Variants in TRERF1 observed in about 807,000 individuals in gnomAD.
TRERF1 encodes transcriptional-regulating factor 1.
Under a neutral mutation model 122.9 loss-of-function variants are expected in TRERF1, and 27 were observed. The observed-to-expected ratio is 0.22, with a 90% CI of 0.16 to 0.30. The LOEUF (loss-of-function observed/expected upper bound fraction) is 0.30, where lower values mean the gene tolerates loss of function less well. Among genes scored for constraint, TRERF1 ranks in the 10% least tolerant of loss-of-function variants. The probability of loss-of-function intolerance (pLI) is 1.00; values close to 1 mark genes in which losing one functional copy is unlikely to be tolerated. For missense variants in TRERF1, 1,248 were observed against 1,560.3 expected (o/e 0.80, Z 3.37); for synonymous variants, 636 against 641.7 (o/e 0.99, Z 0.13).
intron 11 of TRERF1, 33 bp from the exon 12 acceptor site, chr6:42,256,864 A>T (rs1776841727): frequency 6.2e-7 from 1 of 1,613,388 alleles, no homozygotes; most frequent in Non-Finnish European, 8.5e-7. Flanking sequence ...AATGCATCAG[A>T]GAGAGCTGAG....
At position 42,264,929 on chromosome 6, in the gene TRERF1, C is replaced by A. The variant is rs991996808; in HGVS notation, c.1485-75G>T. On this transcript the variant is annotated intron_variant, in intron 6 of 17. Coordinates refer to ENST00000372922, the Ensembl canonical transcript of TRERF1. ...GAAACAGTGACTTGCCACAAGACCT[C>A]ATACCCACCACAAACCCATTTCATT... is the stretch of plus-strand genomic sequence containing the variant. The A allele has an allele frequency of 5.9e-6, 9 of 1,513,194 alleles. No homozygotes were observed. In the African/African-American group the frequency reaches 1.1e-4, roughly 18 times the overall value. 93.7% of individuals were successfully genotyped at this position (1,513,194 alleles called of 1,614,324 possible).
exon 16 of TRERF1, chr6:42,236,264 G>C: frequency 6.2e-7 from 1 of 1,613,030 alleles, no homozygotes; most frequent in Non-Finnish European, 8.5e-7. Context: ...AGGGCCTGCA[G>C]GGGCGGCCCC....
At chr6:42,417,755 G>T (rs1012720479) in intron 2 of TRERF1, among the ~76,000 whole-genome samples, 1 of 152,198 alleles carries the variant, frequency 6.6e-6, no homozygotes, top group East Asian at 1.9e-4. Context: ...CAGAGCCCCT[G>T]TGGGCTCCAG....
At chr6:42,395,225 C>T (rs1351548767) in intron 2 of TRERF1, among the ~76,000 whole-genome samples, 3 of 152,170 alleles carry the variant, frequency 2.0e-5, no homozygotes, top group South Asian at 2.1e-4. Context: ...CTAAAAGGAG[C>T]GCTAAGGCCC....
intron 15 of TRERF1, 111 bp from the exon 16 acceptor site, chr6:42,236,522 G>A (rs778835099): frequency 2.2e-5 from 32 of 1,429,550 alleles, no homozygotes; most frequent in Non-Finnish European, 2.9e-5. Flanking sequence ...CTGGCGCTGT[G>A]TTCCTTTCTT....
intron 2 of TRERF1, among the ~76,000 whole-genome samples, chr6:42,403,358 T>G (rs1187109257): frequency 6.6e-6 from 1 of 152,182 alleles, no homozygotes; most frequent in African/African-American, 2.4e-5. Flanking sequence ...ATCCAATGAC[T>G]GATGCCCTTA....
At chr6:42,302,098 G>A (rs1786312199) in intron 3 of TRERF1, among the ~76,000 whole-genome samples, 1 of 152,082 alleles carries the variant, frequency 6.6e-6, no homozygotes, top group Admixed American at 6.6e-5. Context: ...CCTAACTATG[G>A]CAACCCCGCC....
chr6:42,402,647 A>G (rs866190145), intron 2 of TRERF1, among the ~76,000 whole-genome samples: 1 of 152,122 alleles, frequency 6.6e-6, no homozygotes, highest in Non-Finnish European at 1.5e-5. Flanking sequence ...GAATTCTTAT[A>G]AAGTCATTTC....
chr6:42,303,753 A>G lies in TRERF1; in HGVS notation c.-370-3004T>C, dbSNP rs145890975. Among the ~76,000 whole-genome samples, 375 of 151,996 alleles carry G rather than the reference A, an allele frequency of 2.5e-3. 1 individual carries two copies. Among genetic ancestry groups the G allele is most frequent in the African/African-American group, 8.6e-3 (358 of 41,426 alleles). ...AACATGGTGAAACCCCATCTCTACA[A>G]AAAAATACAAAAATTAGCCAGGTGT... On this transcript the variant is annotated intron_variant, in intron 3 of 17. Transcript: ENST00000372922.
At chr6:42,315,122 G>T (rs1762272607) in intron 3 of TRERF1, among the ~76,000 whole-genome samples, 1 of 152,182 alleles carries the variant, frequency 6.6e-6, no homozygotes. Context: ...GTAGGACGGG[G>T]TCTCCATTAT....
chr6:42,379,779 C>T (rs1775591204), intron 2 of TRERF1, among the ~76,000 whole-genome samples: 1 of 152,220 alleles, frequency 6.6e-6, no homozygotes, highest in Admixed American at 6.5e-5. Flanking sequence ...GATCCACCCA[C>T]TTTGGCTTCC....
intron 8 of TRERF1, among the ~76,000 whole-genome samples, chr6:42,260,171 G>A (rs1777571668): frequency 6.6e-6 from 1 of 152,006 alleles, no homozygotes; most frequent in Non-Finnish European, 1.5e-5. Context: ...AGACCTGTGA[G>A]GCAGGAAGTG....
chr6:42,294,768 G>A (rs1365018017), intron 4 of TRERF1, among the ~76,000 whole-genome samples: 7 of 152,160 alleles, frequency 4.6e-5, no homozygotes, highest in African/African-American at 1.4e-4. Flanking sequence ...AAGGGTCTCC[G>A]TCTGCATCTA....
chr6:42,440,300 G>T (rs951245305), intron 2 of TRERF1, among the ~76,000 whole-genome samples: 1 of 152,092 alleles, frequency 6.6e-6, no homozygotes, highest in Non-Finnish European at 1.5e-5. Flanking sequence ...ATTTCTAAAG[G>T]CAGCATAGTC....
intron 2 of TRERF1, among the ~76,000 whole-genome samples, chr6:42,391,197 T>G (rs747667902): frequency 7.9e-5 from 12 of 152,220 alleles, no homozygotes; most frequent in Non-Finnish European, 1.2e-4. Context: ...CAAACGAACA[T>G]GGAGCAGGTG....
At chr6:42,265,681 G>C (rs1442893492) in intron 6 of TRERF1, 70 bp downstream of exon 6, 13 of 1,466,714 alleles carry the variant, frequency 8.9e-6, no homozygotes, top group African/African-American at 2.8e-5. Context: ...ATTTAAAAAT[G>C]AATCATGAGA....
chr6:42,354,224 C>T (rs1390708291), intron 3 of TRERF1, among the ~76,000 whole-genome samples: 1 of 152,174 alleles, frequency 6.6e-6, no homozygotes, highest in Non-Finnish European at 1.5e-5. Flanking sequence ...CTTATTACTG[C>T]TGAATTTGTA....
chr6:42,423,640 G>A (rs1783159217), intron 2 of TRERF1, among the ~76,000 whole-genome samples: 1 of 151,734 alleles, frequency 6.6e-6, no homozygotes, highest in Non-Finnish European at 1.5e-5. Context: ...ATACATTCGT[G>A]GTAATAAGAA....
chr6:42,253,158 A>G (rs529207162), intron 13 of TRERF1, among the ~76,000 whole-genome samples: 2 of 152,316 alleles, frequency 1.3e-5, no homozygotes, highest in East Asian at 1.9e-4. Context: ...CTCCTAGTAC[A>G]TAGCTTTCTG....
Sources: gnomAD v4.1 joint callset for allele counts (sites outside exome capture counted in the v4.1 genomes callset) on GRCh38, gnomAD v4.1.1 for gene constraint, MANE v1.5 for transcripts, NCBI Gene and HGNC (gene_info 2026-07-23, HGNC 2026-07-21) for gene names.